Variants in DNAH5 observed in about 807,000 individuals in gnomAD.
The protein encoded by DNAH5 is axonemal beta dynein heavy chain 5.
DNAH5 carries 372 observed loss-of-function variants against 518.2 expected under a neutral mutation model. That is an observed-to-expected ratio of 0.72 (90% CI 0.66 to 0.78). The LOEUF is 0.78. Among genes scored for constraint, DNAH5 ranks in the 30% least tolerant of loss-of-function variants. The pLI is 0.00. For synonymous variants in DNAH5, 2,039 were observed against 2,025.9 expected (o/e 1.01, Z -0.17); for missense variants, 5,523 against 5,687.0 (o/e 0.97, Z 0.93).
intron 1 of DNAH5, among the ~76,000 whole-genome samples, chr5:13,972,030 GC>G (rs1300112925): frequency 6.6e-6 from 1 of 152,102 alleles, no homozygotes; most frequent in African/African-American, 2.4e-5. Flanking sequence ...TGGTTCCCAG[GC>G]CAACGGAGTT....
intron 54 of DNAH5, 106 bp downstream of exon 54, chr5:13,777,096 T>C (rs185033044): frequency 2.8e-6 from 3 of 1,076,934 alleles, no homozygotes; most frequent in African/African-American, 1.6e-5. Context: ...TTAATACCCA[T>C]CCCCAATAGC....
At chr5:13,956,581 A>G (rs1297730700) in intron 1 of DNAH5, among the ~76,000 whole-genome samples, 1 of 152,198 alleles carries the variant, frequency 6.6e-6, no homozygotes, top group Non-Finnish European at 1.5e-5. Flanking sequence ...TAAGTGTAAA[A>G]GGCAAATCCC....
At chr5:13,771,172 T>C (rs951637918) in intron 55 of DNAH5, 192 bp from the exon 56 acceptor site, 9 of 588,074 alleles carry the variant, frequency 1.5e-5, no homozygotes, top group Non-Finnish European at 2.7e-5. Context: ...CTGTTGTATA[T>C]ATAAAACTAT....
intron 1 of DNAH5, among the ~76,000 whole-genome samples, chr5:13,953,013 T>A (rs185789613): frequency 3.7e-4 from 56 of 152,338 alleles, no homozygotes; most frequent in Non-Finnish European, 7.5e-4. Context: ...ACAAGACAAA[T>A]CTCTGACACT....
chr5:13,816,886 GC>G (rs1317034389), intron 42 of DNAH5, among the ~76,000 whole-genome samples: 1 of 152,110 alleles, frequency 6.6e-6, no homozygotes, highest in Non-Finnish European at 1.5e-5. Context: ...TATTCACTCT[GC>G]CTTTGCCTGC....
intron 17 of DNAH5, among the ~76,000 whole-genome samples, chr5:13,887,302 G>A (rs142115101): frequency 6.6e-6 from 1 of 152,244 alleles, no homozygotes; most frequent in East Asian, 1.9e-4. Context: ...TTCCAACAAC[G>A]TTGTTTACAT....
chr5:13,955,666 A>G (rs1780715856), intron 1 of DNAH5, among the ~76,000 whole-genome samples: 1 of 152,154 alleles, frequency 6.6e-6, no homozygotes, highest in African/African-American at 2.4e-5. Context: ...GCTGAAGGCA[A>G]TTTTTCTCCA....
chr5:13,965,160 C>T (rs1246078370), intron 1 of DNAH5, among the ~76,000 whole-genome samples: 1 of 152,148 alleles, frequency 6.6e-6, no homozygotes, highest in Non-Finnish European at 1.5e-5. Context: ...CTCTCCCATT[C>T]TACCAGAATG....
chr5:13,712,189 C>T (rs2591246), intron 75 of DNAH5, among the ~76,000 whole-genome samples: 51,626 of 151,892 alleles, frequency 0.34, 9,464 homozygotes, highest in South Asian at 0.43. Flanking sequence ...CAACTGATTT[C>T]GACAAAGCAA....
At chr5:13,859,313 C>A in intron 30 of DNAH5, 139 bp downstream of exon 30, 1 of 879,506 alleles carries the variant, frequency 1.1e-6, no homozygotes. Context: ...TGAAGAATAA[C>A]AGCATTAACA....
At chr5:13,823,633 TAGTC>T (rs1287358251) in intron 39 of DNAH5, among the ~76,000 whole-genome samples, 2 of 152,154 alleles carry the variant, frequency 1.3e-5, no homozygotes, top group East Asian at 3.9e-4. Context: ...TTCCATAAAA[TAGTC>T]AGTTTTGGGG....
intron 78 of DNAH5, among the ~76,000 whole-genome samples, chr5:13,699,488 G>A (rs1479588355): frequency 6.6e-6 from 1 of 152,132 alleles, no homozygotes; most frequent in Non-Finnish European, 1.5e-5. Flanking sequence ...CCAAGGCGGG[G>A]GCAGATCATG....
At position 13,731,415 on chromosome 5, in the gene DNAH5, G is replaced by A. The variant is rs534740104; in HGVS notation, c.11762-1855C>T. On this transcript the variant is annotated intron_variant, in intron 68 of 78. Coordinates refer to ENST00000265104, the MANE Select transcript of DNAH5 (RefSeq NM_001369.3). ...ACAGAAAGGAAAGAGTGTTCCTCGC[G>A]GGCCAGAGTATTATTCATTGTTTAG... Among the ~76,000 whole-genome samples, 13 of 152,090 alleles carry A rather than the reference G, an allele frequency of 8.5e-5. No homozygotes were observed. The South Asian group carries it at 2.5e-3, about 29-fold the overall frequency.
intron 1 of DNAH5, among the ~76,000 whole-genome samples, chr5:13,965,458 G>GT (rs1487027254): frequency 6.6e-6 from 1 of 152,170 alleles, no homozygotes; most frequent in Non-Finnish European, 1.5e-5. Flanking sequence ...TTAAAAAACA[G>GT]TAAGTTTCTC....
intron 1 of DNAH5, among the ~76,000 whole-genome samples, chr5:13,939,270 T>A (rs1779241371): frequency 6.6e-6 from 1 of 152,164 alleles, no homozygotes; most frequent in African/African-American, 2.4e-5. Context: ...GAACAAATTA[T>A]CCTAGACCAA....
Position 13,841,707 on chromosome 5 carries a change from T to G in DNAH5, c.5469A>C (p.Ser1823=). ...ATACACTGACCTGAGCAGGGAAGGA[T>G]GAAAGAAATTCAGTTAGTTGGAAAC... ...ETGFQLTEFL[S]SFPAQVGLLG... Residue 1823 remains serine (S), a synonymous_variant, in exon 33 of 79, where the codon TCA becomes TCC. Coordinates refer to ENST00000265104, the MANE Select transcript of DNAH5 (RefSeq NM_001369.3). 2 of 1,612,960 alleles carry G rather than the reference T, an allele frequency of 1.2e-6. No individual in the cohort carries two copies. Among genetic ancestry groups the G allele is most frequent in the Non-Finnish European group, 1.7e-6 (2 of 1,178,924 alleles).
At chr5:13,947,717 T>C (rs963643311), upstream of DNAH5, among the ~76,000 whole-genome samples, 1 of 152,236 alleles carries the variant, frequency 6.6e-6, no homozygotes, top group Non-Finnish European at 1.5e-5. Context: ...ACGTTTTTCA[T>C]GGATTTCCAT....
intron 36 of DNAH5, 144 bp downstream of exon 36, chr5:13,830,453 A>C: frequency 2.9e-6 from 3 of 1,041,356 alleles, no homozygotes; most frequent in Non-Finnish European, 4.3e-6. Context: ...TGGTCCACAC[A>C]ACCTGGCAAG....
rs575178025 is a variant in DNAH5 at position 13,747,307 on chromosome 5, G to C, written c.11211+3771C>G. 5.3e-5 allele frequency among the ~76,000 whole-genome samples: 8 copies of C among 152,222 alleles called. No individual in the cohort carries two copies. In the South Asian group the frequency reaches 1.7e-3, roughly 32 times the overall value. Reference sequence around the variant, plus strand: ...CTATCATTGTTGGACATTTGGTTTGGTTCCAAGTCTTTGCTATTGTGAATA... The same window carrying C: ...CTATCATTGTTGGACATTTGGTTTGCTTCCAAGTCTTTGCTATTGTGAATA... On this transcript the variant is annotated intron_variant, in intron 65 of 78. Coordinates refer to ENST00000265104, the MANE Select transcript of DNAH5 (RefSeq NM_001369.3).
Sources: gnomAD v4.1 joint callset for allele counts (sites outside exome capture counted in the v4.1 genomes callset) on GRCh38, gnomAD v4.1.1 for gene constraint, MANE v1.5 for transcripts, NCBI Gene and HGNC (gene_info 2026-07-23, HGNC 2026-07-21) for gene names.